Variants in DIPK1A observed in about 807,000 individuals in gnomAD.
DIPK1A encodes the protein divergent protein kinase domain 1A, also known as family with sequence similarity 69 member A.
Under a neutral mutation model 40.8 loss-of-function variants are expected in DIPK1A, and 27 were observed. The observed-to-expected ratio is 0.66, with a 90% CI of 0.49 to 0.91. DIPK1A has a LOEUF of 0.91. Among genes scored for constraint, DIPK1A ranks in the 40% least tolerant of loss-of-function variants. DIPK1A has a pLI of 0.00. For missense variants in DIPK1A, 412 were observed against 505.7 expected (o/e 0.81, Z 1.78); for synonymous variants, 166 against 171.3 (o/e 0.97, Z 0.24).
rs764451297 is a variant in DIPK1A, at chr1:92,843,578, T to C, written c.1092A>G (p.Ala364=). Reference sequence around the variant, plus strand: ...AGTCTTTGAGTAACTGACAAGCTTTTGCCAAGTTTGGTTGTATCACTTCTG... The same window carrying C: ...AGTCTTTGAGTAACTGACAAGCTTTCGCCAAGTTTGGTTGTATCACTTCTG... ...CTSEVIQPNL[A]KACQLLKDYL... is the part of the protein sequence containing the mutation. Residue 364 remains alanine, a synonymous_variant, in exon 5 of 5, where the codon GCA becomes GCG. Coordinates refer to ENST00000370310, the MANE Select transcript of DIPK1A (RefSeq NM_001006605.5). The C allele has an allele frequency of 1.3e-6, 2 of 1,551,916 alleles. No homozygotes were observed. Among genetic ancestry groups the C allele is most frequent in the South Asian group, 2.4e-5 (2 of 84,054 alleles).
chr1:92,844,960 T>TTTTTA (rs1238762812), intron 4 of DIPK1A, among the ~76,000 whole-genome samples: 1 of 145,460 alleles, frequency 6.9e-6, no homozygotes, highest in Non-Finnish European at 1.5e-5. Context: ...TTTTTTTTTT[T>TTTTTA]TTGAGACGGA....
At chr1:92,938,411 A>G (rs1007631362) in intron 1 of DIPK1A, among the ~76,000 whole-genome samples, 2 of 151,224 alleles carry the variant, frequency 1.3e-5, no homozygotes, top group African/African-American at 4.9e-5. Flanking sequence ...TCAAAGCTGC[A>G]ATGAGCTGTG....
At chr1:92,949,180 A>G (rs1448543718) in intron 1 of DIPK1A, among the ~76,000 whole-genome samples, 1 of 152,106 alleles carries the variant, frequency 6.6e-6, no homozygotes, top group Non-Finnish European at 1.5e-5. Context: ...CCCCAAAATT[A>G]GAACTTCACC....
chr1:92,893,814 C>T (rs1040630624), intron 1 of DIPK1A, among the ~76,000 whole-genome samples: 1 of 151,800 alleles, frequency 6.6e-6, no homozygotes, highest in Non-Finnish European at 1.5e-5. Context: ...GAAGATCTAC[C>T]AAGCAAATGG....
intron 1 of DIPK1A, among the ~76,000 whole-genome samples, chr1:92,899,779 C>T (rs920354985): frequency 1.1e-4 from 16 of 152,118 alleles, no homozygotes; most frequent in African/African-American, 3.6e-4. Flanking sequence ...CTTTTCACTT[C>T]CAGAGATAAG....
At chr1:92,957,475 G>GCT (rs1476835128) in intron 1 of DIPK1A, among the ~76,000 whole-genome samples, 1 of 152,218 alleles carries the variant, frequency 6.6e-6, no homozygotes, top group African/African-American at 2.4e-5. Context: ...TAGCTTGCTT[G>GCT]CTCTGGGCAA....
At chr1:92,856,492 A>C (rs1229740876) in intron 2 of DIPK1A, among the ~76,000 whole-genome samples, 1 of 152,126 alleles carries the variant, frequency 6.6e-6, no homozygotes, top group African/African-American at 2.4e-5. Flanking sequence ...ATCTCGGCTC[A>C]CTGCAACCTC....
chr1:92,863,436 A>G lies in DIPK1A; in HGVS notation c.190-12481T>C, dbSNP rs141012150. Among the ~76,000 whole-genome samples, 476 of 152,260 alleles carry G rather than the reference A, an allele frequency of 3.1e-3. 4 individuals carry two copies. Among genetic ancestry groups the G allele is most frequent in the African/African-American group, 0.011 (462 of 41,556 alleles). On this transcript the variant is annotated intron_variant, in intron 2 of 4. Transcript: ENST00000370310. ...CATGAAGGCCACCAGAAGTGCTACT[A>G]TGATTTAAGATTGGCCGGGCAGTGG...
Position 92,911,129 on chromosome 1 carries a change from G to T in DIPK1A, c.55-34699C>A, listed in dbSNP as rs570373289. Among the ~76,000 whole-genome samples the T allele has an allele frequency of 2.6e-5, 4 of 152,302 alleles. No individual in the cohort carries two copies. The East Asian group carries it at 7.7e-4, about 29-fold the overall frequency. On this transcript the variant is annotated intron_variant, in intron 1 of 4. Coordinates refer to ENST00000370310, the MANE Select transcript of DIPK1A (RefSeq NM_001006605.5). ...TTCATTCAAGTTGTTGTATGCTATGGTCTGAGTGTCTGTGGCCCTCTCAAA... is the reference window on the plus strand; with the variant it reads ...TTCATTCAAGTTGTTGTATGCTATGTTCTGAGTGTCTGTGGCCCTCTCAAA...
intron 4 of DIPK1A, chr1:92,833,712 T>C: frequency 6.9e-7 from 1 of 1,444,492 alleles, no homozygotes; most frequent in Non-Finnish European, 9.7e-7. Flanking sequence ...GAAATTGTGC[T>C]TGGGAAGCAA....
chr1:92,948,239 G>A (rs1469572307), intron 1 of DIPK1A, among the ~76,000 whole-genome samples: 3 of 152,114 alleles, frequency 2.0e-5, no homozygotes, highest in Admixed American at 1.3e-4. Flanking sequence ...CCAAGGCAAA[G>A]AGGAAAGGTA....
At chr1:92,833,909 C>T (rs954627158) in intron 4 of DIPK1A, 1 of 499,466 alleles carries the variant, frequency 2.0e-6, no homozygotes, top group Admixed American at 3.4e-5. Flanking sequence ...AGTTTGAGAC[C>T]AGCCTGGGCA....
At chr1:92,883,484 T>C (rs956418086) in intron 1 of DIPK1A, among the ~76,000 whole-genome samples, 6 of 152,194 alleles carry the variant, frequency 3.9e-5, no homozygotes, top group African/African-American at 1.4e-4. Context: ...TGAGGGATGA[T>C]GACTAAGCTA....
intron 4 of DIPK1A, chr1:92,834,773 C>T (rs761659540): frequency 6.2e-7 from 1 of 1,612,694 alleles, no homozygotes; most frequent in Non-Finnish European, 8.5e-7. Flanking sequence ...TTCTCTCTTA[C>T]TATAGATTGC....
intron 2 of DIPK1A, among the ~76,000 whole-genome samples, chr1:92,860,646 A>AAAAAAAAAAAAGCCAGGAG (rs148916481): frequency 1.9e-5 from 2 of 105,212 alleles, no homozygotes; most frequent in African/African-American, 7.5e-5. Flanking sequence ...AAAAAAAAAA[A>AAAAAAAAAAAAGCCAGGAG]TGGTGGTGTG....
downstream of DIPK1A, chr1:92,837,219 C>T: frequency 2.9e-6 from 2 of 687,314 alleles, no homozygotes; most frequent in South Asian, 1.4e-5. Flanking sequence ...TGGTGGAAAG[C>T]CTTGGTAATG....
At chr1:92,911,886 C>G (rs1168191465) in intron 1 of DIPK1A, among the ~76,000 whole-genome samples, 1 of 151,516 alleles carries the variant, frequency 6.6e-6, no homozygotes, top group Middle Eastern at 3.4e-3. Context: ...TGCCTGTAAT[C>G]CCAGCTACTT....
intron 1 of DIPK1A, among the ~76,000 whole-genome samples, chr1:92,955,596 G>A (rs1459991617): frequency 6.6e-6 from 1 of 151,722 alleles, no homozygotes; most frequent in Non-Finnish European, 1.5e-5. Context: ...TACTTGGGAG[G>A]CTGAGGCAGG....
chr1:92,866,146 T>C (rs1201029817), intron 2 of DIPK1A, among the ~76,000 whole-genome samples: 1 of 152,188 alleles, frequency 6.6e-6, no homozygotes, highest in African/African-American at 2.4e-5. Flanking sequence ...CTGTCACCCA[T>C]GCTGGAGTGC....
Sources: allele counts gnomAD v4.1 joint callset (sites outside exome capture counted in the v4.1 genomes callset), GRCh38; gene constraint gnomAD v4.1.1; transcripts MANE v1.5; gene names NCBI Gene and HGNC (gene_info 2026-07-23, HGNC 2026-07-21).